Variants in QTGAL observed in about 807,000 individuals in gnomAD.
QTGAL encodes BGnT-like protein 1.
the QTGAL span, chr17:82,956,870 G>C: frequency 4.8e-5 from 65 of 1,345,970 alleles, no homozygotes; most frequent in Non-Finnish European, 6.6e-5. The surrounding 1 kb of genome is among the most constrained non-coding windows in gnomAD (Gnocchi z 5.7). Context: ...TCACACAGGA[G>C]CCAGGGCTTG....
the QTGAL span, among the ~76,000 whole-genome samples, chr17:83,023,768 C>T: frequency 6.6e-6 from 1 of 152,138 alleles, no homozygotes; most frequent in East Asian, 1.9e-4. Flanking sequence ...CCACGTCTCC[C>T]GACCTCCAGC....
chr17:82,998,299 T>C, the QTGAL span, among the ~76,000 whole-genome samples: 1 of 152,204 alleles, frequency 6.6e-6, no homozygotes, highest in Non-Finnish European at 1.5e-5. Context: ...AGCATGTCCA[T>C]AAAAGGAAAA....
chr17:82,986,338 C>T, the QTGAL span, among the ~76,000 whole-genome samples: 5 of 152,216 alleles, frequency 3.3e-5, no homozygotes, highest in South Asian at 2.1e-4. Context: ...CCCCACCATA[C>T]GCTGCTGGCT....
At chr17:83,038,273 G>A in the QTGAL span, among the ~76,000 whole-genome samples, 4 of 152,068 alleles carry the variant, frequency 2.6e-5, no homozygotes, top group African/African-American at 9.7e-5. Flanking sequence ...GGGTCCCCAC[G>A]AGGTCTCCTT....
the QTGAL span, among the ~76,000 whole-genome samples, chr17:83,022,283 GC>G: frequency 6.7e-6 from 1 of 149,092 alleles, no homozygotes; most frequent in African/African-American, 2.4e-5. Context: ...CACTGTCCCC[GC>G]CCCACCTGCA....
the QTGAL span, chr17:82,942,446 C>T: frequency 6.2e-7 from 1 of 1,613,994 alleles, no homozygotes; most frequent in Non-Finnish European, 8.5e-7. Flanking sequence ...GTCTCTTCTT[C>T]AGCCTGGTGC....
the QTGAL span, among the ~76,000 whole-genome samples, chr17:83,034,189 C>T: frequency 6.6e-6 from 1 of 152,164 alleles, no homozygotes; most frequent in Non-Finnish European, 1.5e-5. Context: ...ATCCATCTGC[C>T]TCGGCCTCCC....
the QTGAL span, among the ~76,000 whole-genome samples, chr17:83,022,276 T>C: frequency 6.7e-6 from 1 of 149,126 alleles, no homozygotes; most frequent in Admixed American, 6.6e-5. Flanking sequence ...AGCTTAGCAC[T>C]GTCCCCGCCC....
At chr17:83,030,099 G>A in the QTGAL span, among the ~76,000 whole-genome samples, 1 of 152,074 alleles carries the variant, frequency 6.6e-6, no homozygotes, top group Non-Finnish European at 1.5e-5. Flanking sequence ...CTGAACCAAG[G>A]GTCGTGATTA....
At chr17:83,011,400 A>T in the QTGAL span, 1 of 152,264 alleles carries the variant, frequency 6.6e-6, no homozygotes, top group African/African-American at 2.4e-5. Flanking sequence ...GGTTTCTTGT[A>T]AAAGATCTTA....
chr17:82,976,433 C>G, the QTGAL span, among the ~76,000 whole-genome samples: 1 of 50,700 alleles, frequency 2.0e-5, no homozygotes, highest in Admixed American at 1.6e-4. Flanking sequence ...TCCCAGGGAC[C>G]AGAGGCCACT....
At chr17:83,023,490 A>G in the QTGAL span, among the ~76,000 whole-genome samples, 13 of 152,278 alleles carry the variant, frequency 8.5e-5, 1 homozygote, top group Admixed American at 2.0e-4. Context: ...CGACAAGTCA[A>G]ATATAGAAGT....
At chr17:83,050,318 C>G in the QTGAL span, among the ~76,000 whole-genome samples, 34 of 151,912 alleles carry the variant, frequency 2.2e-4, no homozygotes, top group Admixed American at 3.9e-4. Context: ...TGCGGTGAGC[C>G]GAGCTCGCGC....
the QTGAL span, among the ~76,000 whole-genome samples, chr17:82,971,456 C>T: frequency 2.1e-4 from 32 of 152,144 alleles, no homozygotes; most frequent in Admixed American, 9.2e-4. Context: ...TCCGTGGCAG[C>T]GACTGGGGCC....
the QTGAL span, among the ~76,000 whole-genome samples, chr17:83,038,147 C>G: frequency 6.6e-6 from 1 of 152,172 alleles, no homozygotes; most frequent in East Asian, 1.9e-4. Flanking sequence ...CACTTTGGAT[C>G]TATGTTATCT....
the QTGAL span, among the ~76,000 whole-genome samples, chr17:82,964,028 C>CGGGGGGG: frequency 1.4e-5 from 2 of 139,674 alleles, no homozygotes; most frequent in African/African-American, 5.2e-5. Context: ...AGGCTGAGGT[C>CGGGGGGG]GGGGGGGTGG....
At chr17:83,006,441 G>T in the QTGAL span, 1 of 984,884 alleles carries the variant, frequency 1.0e-6, no homozygotes. The surrounding 1 kb of genome is among the most constrained non-coding windows in gnomAD (Gnocchi z 5.8). Flanking sequence ...AACAACTGTA[G>T]AGAGACCCTC....
the QTGAL span, among the ~76,000 whole-genome samples, chr17:83,043,174 C>A: frequency 5.3e-5 from 8 of 152,192 alleles, no homozygotes; most frequent in African/African-American, 1.9e-4. Context: ...ACCAACTAGA[C>A]TTAGCAGAAA....
the QTGAL span, among the ~76,000 whole-genome samples, chr17:82,972,222 G>C: frequency 1.0e-3 from 66 of 63,164 alleles, no homozygotes; most frequent in South Asian, 5.3e-3. Context: ...ACCTGGTGCC[G>C]ACCACACCAC....
Sources: gnomAD v4.1 joint callset for allele counts (sites outside exome capture counted in the v4.1 genomes callset) on GRCh38, gnomAD v4.1.1 for gene constraint, Gnocchi (gnomAD v3.1) non-coding constraint, MANE v1.5 for transcripts, NCBI Gene and HGNC (gene_info 2026-07-23, HGNC 2026-07-21) for gene names.